Variants in RPS6KC1 observed in about 807,000 individuals in gnomAD.
The protein encoded by RPS6KC1 is inactive ribosomal protein S6 kinase delta-1.
RPS6KC1 carries 54 observed loss-of-function variants against 103.8 expected under a neutral mutation model. The observed-to-expected ratio is 0.52, with a 90% CI of 0.42 to 0.65. RPS6KC1 has a LOEUF of 0.65. Among genes scored for constraint, RPS6KC1 ranks in the 30% least tolerant of loss-of-function variants. The pLI, the probability that RPS6KC1 is intolerant of heterozygous loss-of-function variation, is 0.00. For missense variants in RPS6KC1, 1,151 were observed against 1,253.8 expected (o/e 0.92, Z 1.24); for synonymous variants, 439 against 438.7 (o/e 1.00, Z -0.01).
chr1:213,560,398 G>C, the RPS6KC1 span, among the ~76,000 whole-genome samples: 1 of 152,122 alleles, frequency 6.6e-6, no homozygotes, highest in Non-Finnish European at 1.5e-5. Flanking sequence ...AGAAGACATG[G>C]CTTCTTTGAC....
the RPS6KC1 span, among the ~76,000 whole-genome samples, chr1:213,663,322 A>G: frequency 6.6e-6 from 1 of 152,182 alleles, no homozygotes; most frequent in African/African-American, 2.4e-5. Context: ...GTTTACTTCA[A>G]TCATTTAAGC....
At chr1:213,362,916 A>C in the RPS6KC1 span, among the ~76,000 whole-genome samples, 1 of 152,198 alleles carries the variant, frequency 6.6e-6, no homozygotes, top group Non-Finnish European at 1.5e-5. Flanking sequence ...GGCTCTTCCT[A>C]GTTCTTCAGC....
At chr1:213,588,913 C>T in the RPS6KC1 span, among the ~76,000 whole-genome samples, 1 of 152,130 alleles carries the variant, frequency 6.6e-6, no homozygotes, top group Non-Finnish European at 1.5e-5. Flanking sequence ...GAGCAGGCAC[C>T]CAAAAGTAAA....
intron 1 of RPS6KC1, among the ~76,000 whole-genome samples, chr1:213,066,363 T>TA (rs1384904814): frequency 6.6e-6 from 1 of 152,236 alleles, no homozygotes; most frequent in East Asian, 1.9e-4. Flanking sequence ...TGTCAGGTAA[T>TA]ACCTAAGTAG....
intron 8 of RPS6KC1, among the ~76,000 whole-genome samples, chr1:213,229,252 G>A (rs562507125): frequency 1.3e-5 from 2 of 152,018 alleles, no homozygotes; most frequent in East Asian, 1.9e-4. Flanking sequence ...CCATCTTCTC[G>A]AACTGGTTTC....
the RPS6KC1 span, among the ~76,000 whole-genome samples, chr1:213,826,881 G>C: frequency 6.6e-6 from 1 of 152,154 alleles, no homozygotes; most frequent in Non-Finnish European, 1.5e-5. Context: ...AAGATTTCAC[G>C]ACAGGATTTT....
At position 213,113,991 on chromosome 1, in the gene RPS6KC1, G is replaced by C. The variant is rs1165176039; in HGVS notation, c.379-3326G>C. On this transcript the variant is annotated intron_variant, in intron 4 of 14. Transcript: ENST00000366960. ...TGTAGTATAGTTTGAAGTCAGGTAG[G>C]GTGATGCCTCCAGCTTTGTTCTTTT... is the stretch of plus-strand genomic sequence containing the variant. Among the ~76,000 whole-genome samples, 3 of 152,068 alleles carry C rather than the reference G, an allele frequency of 2.0e-5. 1 individual carries two copies. The highest frequency in any genetic ancestry group is 4.8e-5 in the African/African-American group (2 of 41,472).
intron 12 of RPS6KC1, among the ~76,000 whole-genome samples, chr1:213,247,362 C>A (rs892975314): frequency 2.0e-5 from 3 of 152,146 alleles, no homozygotes; most frequent in Non-Finnish European, 4.4e-5. Flanking sequence ...TATTGACTAC[C>A]TTTCTTTGCT....
At chr1:213,102,499 CTA>C (rs1463114126) in intron 3 of RPS6KC1, among the ~76,000 whole-genome samples, 2 of 152,118 alleles carry the variant, frequency 1.3e-5, no homozygotes, top group African/African-American at 4.8e-5. Flanking sequence ...TTCTGGGAAG[CTA>C]CAGTATAATT....
chr1:213,704,964 T>G, the RPS6KC1 span, among the ~76,000 whole-genome samples: 307 of 152,356 alleles, frequency 2.0e-3, 1 homozygote, highest in African/African-American at 6.5e-3. Flanking sequence ...TAGATTCTCC[T>G]GAACAAATGG....
the RPS6KC1 span, among the ~76,000 whole-genome samples, chr1:213,388,230 G>A: frequency 6.6e-6 from 1 of 152,228 alleles, no homozygotes; most frequent in Admixed American, 6.5e-5. Context: ...AAGGAGCAAG[G>A]ACAGATGCAG....
chr1:213,451,882 T>C, the RPS6KC1 span, among the ~76,000 whole-genome samples: 18 of 152,036 alleles, frequency 1.2e-4, no homozygotes, highest in Admixed American at 8.5e-4. Context: ...TCTCCAGGAA[T>C]TCCCCCCTCC....
At chr1:213,085,774 T>C (rs540052726) in intron 3 of RPS6KC1, among the ~76,000 whole-genome samples, 112 of 152,312 alleles carry the variant, frequency 7.4e-4, no homozygotes, top group Admixed American at 1.2e-3. Flanking sequence ...CCCTAATTGA[T>C]CTGGACTCAC....
the RPS6KC1 span, among the ~76,000 whole-genome samples, chr1:213,365,057 G>A: frequency 6.6e-6 from 1 of 152,088 alleles, no homozygotes; most frequent in African/African-American, 2.4e-5. Context: ...GAGCTCTTTG[G>A]TACCCAGAGA....
chr1:213,858,839 A>G, the RPS6KC1 span, among the ~76,000 whole-genome samples: 1 of 152,110 alleles, frequency 6.6e-6, no homozygotes, highest in Non-Finnish European at 1.5e-5. Context: ...CAGGAGGCTC[A>G]CTCCATCCAA....
chr1:213,855,994 G>A, the RPS6KC1 span, among the ~76,000 whole-genome samples: 1 of 152,194 alleles, frequency 6.6e-6, no homozygotes, highest in Non-Finnish European at 1.5e-5. Context: ...GCAGGGAGTG[G>A]AGAACATCCC....
At chr1:213,255,232 G>A (rs186349795) in intron 12 of RPS6KC1, among the ~76,000 whole-genome samples, 4 of 151,824 alleles carry the variant, frequency 2.6e-5, no homozygotes, top group Admixed American at 2.6e-4. Context: ...AGGCTGAGAT[G>A]GGAGGATTGC....
chr1:213,382,780 C>T, the RPS6KC1 span, among the ~76,000 whole-genome samples: 5 of 152,136 alleles, frequency 3.3e-5, no homozygotes, highest in Non-Finnish European at 7.4e-5. Context: ...GCTGGACACC[C>T]GTTCGAGCCA....
the RPS6KC1 span, among the ~76,000 whole-genome samples, chr1:213,290,144 CAAAAAAA>C: frequency 1.4e-5 from 1 of 70,096 alleles, no homozygotes; most frequent in Non-Finnish European, 2.5e-5. Context: ...GACTCCGTCT[CAAAAAAA>C]AAAAAAAAAA....
Sources: allele counts gnomAD v4.1 joint callset (sites outside exome capture counted in the v4.1 genomes callset), GRCh38; gene constraint gnomAD v4.1.1; transcripts MANE v1.5; gene names NCBI Gene and HGNC (gene_info 2026-07-23, HGNC 2026-07-21).